The following ZNF521 variants were observed in gnomAD, a reference collection of about 807,000 sequenced individuals.
ZNF521 encodes LYST-interacting protein 3.
Under a neutral mutation model 105.5 loss-of-function variants are expected in ZNF521, and 14 were observed. The observed-to-expected ratio is 0.13, with a 90% CI of 0.09 to 0.21. ZNF521 has a LOEUF of 0.21. ZNF521 is among the 10% of genes least tolerant of loss of function. The pLI, the probability that ZNF521 is intolerant of heterozygous loss-of-function variation, is 1.00. For missense variants in ZNF521, 1,233 were observed against 1,629.7 expected (o/e 0.76, Z 4.19); for synonymous variants, 635 against 606.0 (o/e 1.05, Z -0.70).
chr18:25,334,200 T>G (rs1178609300), intron 2 of ZNF521, among the ~76,000 whole-genome samples: 3 of 37,350 alleles, frequency 8.0e-5, no homozygotes, highest in Non-Finnish European at 8.4e-5. Context: ...CTTTTAATGC[T>G]ACCATATTTT....
intron 4 of ZNF521, among the ~76,000 whole-genome samples, chr18:25,221,410 T>C (rs2144718057): frequency 6.6e-6 from 1 of 152,312 alleles, no homozygotes; most frequent in Middle Eastern, 3.4e-3. Flanking sequence ...CATATAATAT[T>C]CTTTTTAGTC....
chr18:25,205,201 G>A (rs1020127222), intron 4 of ZNF521, among the ~76,000 whole-genome samples: 18 of 145,216 alleles, frequency 1.2e-4, no homozygotes, highest in African/African-American at 4.7e-4. Flanking sequence ...TTATTTTTGA[G>A]CTAGGAAAAG....
intron 3 of ZNF521, among the ~76,000 whole-genome samples, chr18:25,285,399 G>A (rs916078361): frequency 1.3e-5 from 2 of 152,224 alleles, no homozygotes; most frequent in African/African-American, 4.8e-5. Context: ...CCTGGCAGGA[G>A]CCTTTGCTCC....
In ZNF521 at chr18:25,064,281, G is replaced by A. The variant is rs547993101; in HGVS notation, c.3907-1540C>T. Among the ~76,000 whole-genome samples, 8 of 143,424 alleles carry A rather than the reference G, an allele frequency of 5.6e-5. No homozygotes were observed. In the East Asian group the frequency reaches 1.5e-3, roughly 26 times the overall value. 94.1% of individuals were successfully genotyped at this position (143,424 alleles called of 152,430 possible). On this transcript the variant is annotated intron_variant, in intron 7 of 7. Coordinates refer to ENST00000361524, the MANE Select transcript of ZNF521 (RefSeq NM_015461.3). ...TTAGAAAAGAACACAGAAATGTCAC[G>A]GATACACCTAAACCTGCCTAGCCAT...
At chr18:25,162,895 T>C (rs1186011464) in intron 5 of ZNF521, among the ~76,000 whole-genome samples, 1 of 152,184 alleles carries the variant, frequency 6.6e-6, no homozygotes, top group Non-Finnish European at 1.5e-5. Flanking sequence ...TAACAAGCCC[T>C]GTAGGGTTTA....
At chr18:25,110,993 C>A (rs1198951117) in intron 5 of ZNF521, among the ~76,000 whole-genome samples, 1 of 151,970 alleles carries the variant, frequency 6.6e-6, no homozygotes, top group Non-Finnish European at 1.5e-5. Flanking sequence ...GAACTCCTGG[C>A]CTTAAGTGTT....
chr18:25,190,876 T>G (rs137938125), intron 5 of ZNF521, among the ~76,000 whole-genome samples: 1 of 152,350 alleles, frequency 6.6e-6, no homozygotes, highest in East Asian at 1.9e-4. Context: ...AGCTTAATCT[T>G]TTTCTGATTT....
At chr18:25,202,520 A>G (rs1250354859) in intron 4 of ZNF521, 1 of 152,216 alleles carries the variant, frequency 6.6e-6, no homozygotes, top group Non-Finnish European at 1.5e-5. Context: ...CAAGTTGGTG[A>G]CAAGGTTGGG....
At chr18:25,316,668 T>A (rs73947306) in intron 3 of ZNF521, among the ~76,000 whole-genome samples, 1 of 152,128 alleles carries the variant, frequency 6.6e-6, no homozygotes, top group Non-Finnish European at 1.5e-5. Context: ...TCAACAAACA[T>A]GGATCGTTCC....
intron 4 of ZNF521, among the ~76,000 whole-genome samples, chr18:25,197,388 T>C (rs918706164): frequency 3.3e-5 from 5 of 151,834 alleles, no homozygotes; most frequent in Non-Finnish European, 2.9e-5. Flanking sequence ...GATATGCAAA[T>C]TGGGATGTGT....
intron 4 of ZNF521, among the ~76,000 whole-genome samples, chr18:25,197,513 A>T (rs1010277144): frequency 2.0e-5 from 3 of 151,818 alleles, no homozygotes; most frequent in Admixed American, 2.0e-4. Context: ...GATTATTCGC[A>T]AAATATTTGA....
In ZNF521 at chr18:25,092,003, T is replaced by C; in HGVS notation, c.3737A>G (p.Glu1246Gly). 1 of 1,614,050 alleles carries C rather than the reference T, an allele frequency of 6.2e-7. No homozygotes were observed. Among genetic ancestry groups the C allele is most frequent in the Non-Finnish European group, 8.5e-7 (1 of 1,179,936 alleles). ...GCCTCCCATCCCTTCGAAGCTGTGC[T>C]CTATCAGGTGGCACTGGAGTTTGGC... The part of the protein sequence containing the change: ...SPAKLQCHLI[E>G]HSFEGMGGTF... The change falls in exon 6 of 8, where the codon GAG (glutamate) becomes GGG (glycine). Residue 1246 changes from glutamate to glycine, a missense_variant. Physicochemically the swap from Glu to Gly is moderately conservative, Grantham distance 98. Around this residue, in one of 6 missense-constraint regions of ZNF521, gnomAD observed 76 missense variants for 137.2 expected, o/e 0.55. Transcript: ENST00000361524.
chr18:25,339,678 G>A (rs1276607419), intron 2 of ZNF521, among the ~76,000 whole-genome samples: 2 of 152,096 alleles, frequency 1.3e-5, no homozygotes, highest in African/African-American at 4.8e-5. Context: ...ACATTTGTTT[G>A]TCTACATTGT....
intron 5 of ZNF521, among the ~76,000 whole-genome samples, chr18:25,188,183 C>A (rs1827805549): frequency 6.6e-6 from 1 of 152,102 alleles, no homozygotes; most frequent in Non-Finnish European, 1.5e-5. Context: ...TGAGGCCTAC[C>A]GGGCCACAGG....
At chr18:25,301,169 C>A (rs1911622822) in intron 3 of ZNF521, among the ~76,000 whole-genome samples, 1 of 152,106 alleles carries the variant, frequency 6.6e-6, no homozygotes, top group Admixed American at 6.5e-5. Flanking sequence ...GTATTTAAAT[C>A]TGGAAAGGGG....
chr18:25,350,845 T>TC, intron 2 of ZNF521, 62 bp downstream of exon 2: 1 of 1,528,596 alleles, frequency 6.5e-7, no homozygotes, highest in South Asian at 1.2e-5. Context: ...CAGCCCTCGC[T>TC]CCGCTACCCA....
At chr18:25,342,359 A>T (rs1015634147) in intron 2 of ZNF521, among the ~76,000 whole-genome samples, 55 of 152,124 alleles carry the variant, frequency 3.6e-4, no homozygotes, top group African/African-American at 1.3e-3. Flanking sequence ...AGTACTTGGT[A>T]GATCAATGTT....
At chr18:25,150,427 C>T (rs141612832) in intron 5 of ZNF521, among the ~76,000 whole-genome samples, 1,832 of 151,994 alleles carry the variant, frequency 0.012, 37 homozygotes, top group African/African-American at 0.04. Context: ...CTAAAACCTA[C>T]AGAAATAAAA....
At chr18:25,115,147 A>G (rs1343900882) in intron 5 of ZNF521, among the ~76,000 whole-genome samples, 2 of 152,194 alleles carry the variant, frequency 1.3e-5, no homozygotes, top group African/African-American at 2.4e-5. Flanking sequence ...GGGATTCTCA[A>G]AAGCACTGCC....
Sources: gnomAD v4.1 joint callset for allele counts (sites outside exome capture counted in the v4.1 genomes callset) on GRCh38, gnomAD v4.1.1 for gene constraint, gnomAD v4.1.1 regional missense constraint, MANE v1.5 for transcripts, NCBI Gene and HGNC (gene_info 2026-07-23, HGNC 2026-07-21) for gene names.